The following COBL variants were observed in gnomAD, a reference collection of about 807,000 sequenced individuals.
The protein encoded by COBL is cordon-bleu WH2 repeat protein.
Under a neutral mutation model 98.8 loss-of-function variants are expected in COBL, and 51 were observed. The ratio of observed to expected loss-of-function variants is 0.52; its 90% CI spans 0.41 to 0.65. COBL has a LOEUF of 0.65. Among genes scored for constraint, COBL ranks in the 30% least tolerant of loss-of-function variants. COBL has a pLI of 0.00. For missense variants in COBL, 1,617 were observed against 1,617.5 expected (o/e 1.00, Z 0.01); for synonymous variants, 634 against 651.7 (o/e 0.97, Z 0.41).
At chr7:51,251,967 G>C (rs949074261) in intron 1 of COBL, among the ~76,000 whole-genome samples, 1 of 152,194 alleles carries the variant, frequency 6.6e-6, no homozygotes. Flanking sequence ...CTAAGAGTAA[G>C]AGCAGTCTCT....
chr7:51,088,793 C>T (rs986088889), intron 6 of COBL, among the ~76,000 whole-genome samples: 1 of 152,238 alleles, frequency 6.6e-6, no homozygotes, highest in African/African-American at 2.4e-5. Context: ...GGATTGTCTG[C>T]TAGCTCGGCC....
chr7:51,187,726 C>A (rs1789681348), intron 4 of COBL, among the ~76,000 whole-genome samples: 1 of 152,278 alleles, frequency 6.6e-6, no homozygotes, highest in East Asian at 1.9e-4. Context: ...TTATCTGAAC[C>A]AACCAGGGAA....
At chr7:51,124,071 G>C (rs1797984935) in intron 6 of COBL, among the ~76,000 whole-genome samples, 1 of 152,200 alleles carries the variant, frequency 6.6e-6, no homozygotes, top group Non-Finnish European at 1.5e-5. Flanking sequence ...AACAGAACCT[G>C]CCTTATAAGG....
intron 1 of COBL, among the ~76,000 whole-genome samples, chr7:51,307,383 A>AAAAACAAAAAC (rs1802587633): frequency 3.1e-5 from 3 of 98,152 alleles, no homozygotes; most frequent in East Asian, 2.4e-4. Context: ...AAAACAAAAA[A>AAAAACAAAAAC]AGGAGAGGAC....
At chr7:51,174,022 T>C (rs1281875443) in intron 5 of COBL, among the ~76,000 whole-genome samples, 2 of 152,218 alleles carry the variant, frequency 1.3e-5, no homozygotes, top group East Asian at 1.9e-4. Context: ...TCTCCATTCT[T>C]AGCATCTGTT....
intron 1 of COBL, among the ~76,000 whole-genome samples, chr7:51,235,533 T>C (rs1478812701): frequency 6.6e-6 from 1 of 152,174 alleles, no homozygotes; most frequent in African/African-American, 2.4e-5. Flanking sequence ...CCAGAACTTT[T>C]GCTGCAAGTG....
intron 1 of COBL, among the ~76,000 whole-genome samples, chr7:51,261,166 G>A (rs1226330957): frequency 2.0e-5 from 3 of 152,148 alleles, no homozygotes; most frequent in African/African-American, 2.4e-5. Context: ...ACTGAGAGGC[G>A]TACATGTACA....
At position 51,270,589 on chromosome 7, in the gene COBL, G is replaced by C. The variant is rs375608373; in HGVS notation, c.41+46004C>G. 4.9e-4 allele frequency among the ~76,000 whole-genome samples: 75 copies of C among 152,182 alleles called. No homozygotes were observed. In the South Asian group the frequency reaches 0.015, roughly 30 times the overall value. Reference sequence around the variant, plus strand: ...GATAATGCAAATACAAATATTCCTGGGAGAGACAACATAAATTTAATCACC... The same window carrying C: ...GATAATGCAAATACAAATATTCCTGCGAGAGACAACATAAATTTAATCACC... On this transcript the variant is annotated intron_variant, in intron 1 of 12. Coordinates refer to ENST00000265136, the MANE Select transcript of COBL (RefSeq NM_015198.5).
At chr7:51,228,175 C>G (rs531363712) in intron 1 of COBL, among the ~76,000 whole-genome samples, 1 of 152,066 alleles carries the variant, frequency 6.6e-6, no homozygotes, top group Admixed American at 6.5e-5. Flanking sequence ...GACGTGGCCA[C>G]GCTGTGCATC....
intron 1 of COBL, among the ~76,000 whole-genome samples, chr7:51,245,695 A>G (rs1419564226): frequency 6.6e-6 from 1 of 152,244 alleles, no homozygotes; most frequent in Non-Finnish European, 1.5e-5. Context: ...AGTACAGTGT[A>G]TGGTCTCAGA....
intron 2 of COBL, among the ~76,000 whole-genome samples, chr7:51,211,862 ATCTCTCTCCT>A (rs1009291428): frequency 2.6e-5 from 4 of 151,898 alleles, no homozygotes; most frequent in African/African-American, 9.7e-5. Context: ...GAAAAATCTC[ATCTCTCTCCT>A]TCTCTCTCTG....
chr7:51,080,401 C>T (rs900723165), intron 7 of COBL, among the ~76,000 whole-genome samples: 1 of 152,156 alleles, frequency 6.6e-6, no homozygotes, highest in African/African-American at 2.4e-5. Flanking sequence ...ATGTGAAAGC[C>T]ACAGTGTCCC....
chr7:51,176,752 C>T (rs1410271487), intron 5 of COBL, among the ~76,000 whole-genome samples: 1 of 152,200 alleles, frequency 6.6e-6, no homozygotes, highest in Non-Finnish European at 1.5e-5. Context: ...TAGTGAATTT[C>T]ACCTGACTCG....
chr7:51,159,969 T>A (rs1786621106), intron 5 of COBL, among the ~76,000 whole-genome samples: 1 of 152,240 alleles, frequency 6.6e-6, no homozygotes, highest in South Asian at 2.1e-4. Context: ...CTCAGCTCAC[T>A]ACAACCTCCG....
intron 4 of COBL, 42 bp from the exon 5 acceptor site, chr7:51,184,241 C>A: frequency 9.0e-7 from 1 of 1,110,002 alleles, no homozygotes; most frequent in Non-Finnish European, 1.3e-6. Context: ...GCATCTGAAA[C>A]AAGAGATTCA....
intron 1 of COBL, chr7:51,259,512 T>C: frequency 1.5e-6 from 1 of 654,922 alleles, no homozygotes. Flanking sequence ...ACCCACTCTA[T>C]TTGTGGTAGC....
intron 5 of COBL, among the ~76,000 whole-genome samples, chr7:51,161,091 C>T (rs1786754377): frequency 6.6e-6 from 1 of 152,170 alleles, no homozygotes; most frequent in South Asian, 2.1e-4. Context: ...ACACGTGGCT[C>T]AGCCCTCGGA....
intron 1 of COBL, among the ~76,000 whole-genome samples, chr7:51,232,817 AAAAG>A (rs971997845): frequency 9.9e-5 from 15 of 152,144 alleles, no homozygotes; most frequent in Non-Finnish European, 2.1e-4. Flanking sequence ...CCACAAAAAA[AAAAG>A]AAAGAAAGAA....
At chr7:51,296,133 T>C (rs916262946) in intron 1 of COBL, among the ~76,000 whole-genome samples, 7 of 152,238 alleles carry the variant, frequency 4.6e-5, no homozygotes, top group African/African-American at 1.7e-4. Flanking sequence ...ACACTTGTTG[T>C]AATGGACTTT....
Sources: allele counts gnomAD v4.1 joint callset (sites outside exome capture counted in the v4.1 genomes callset), GRCh38; gene constraint gnomAD v4.1.1; transcripts MANE v1.5; gene names NCBI Gene and HGNC (gene_info 2026-07-23, HGNC 2026-07-21).